The following PCP2 variants were observed in gnomAD, a reference collection of about 807,000 sequenced individuals.
The protein encoded by PCP2 is Purkinje cell protein 2, also known as Purkinje cell protein 2 homolog.
A neutral mutation model predicts 18.3 loss-of-function variants in PCP2; 21 were observed. The observed-to-expected ratio is 1.14, with a 90% confidence interval of 0.81 to 1.65. The LOEUF (loss-of-function observed/expected upper bound fraction) is 1.65, where lower values mean the gene tolerates loss of function less well. Among genes scored for constraint, PCP2 ranks in the 40% most tolerant of loss-of-function variants. The probability of loss-of-function intolerance (pLI) is 0.00; values close to 1 mark genes in which losing one functional copy is unlikely to be tolerated. For synonymous variants in PCP2, 85 were observed against 77.6 expected (o/e 1.10, Z -0.50); for missense variants, 202 against 201.8 (o/e 1.00, Z 0.00).
upstream of PCP2, among the ~76,000 whole-genome samples, chr19:7,635,094 T>C (rs1465456785): frequency 2.6e-5 from 4 of 152,204 alleles, no homozygotes; most frequent in Admixed American, 6.5e-5. Context: ...GATTAGTACT[T>C]CATATCTTTT....
intron 3 of PCP2, 126 bp from the exon 4 acceptor site, chr19:7,631,934 T>G: frequency 1.0e-6 from 1 of 981,742 alleles, no homozygotes; most frequent in Non-Finnish European, 1.4e-6. Flanking sequence ...TGGTCTATGT[T>G]TACCCTCAAT....
At chr19:7,636,845 T>G, upstream of PCP2, 7 of 341,848 alleles carry the variant, frequency 2.0e-5, no homozygotes, top group Non-Finnish European at 2.6e-5. Flanking sequence ...GATGGAGGGA[T>G]TATTGCCCTG....
upstream of PCP2, chr19:7,636,283 G>A (rs2031530543): frequency 6.6e-6 from 1 of 152,152 alleles, no homozygotes; most frequent in East Asian, 1.9e-4. Flanking sequence ...TTAAATCGGA[G>A]ACCTCATTTT....
rs2031358847 is a variant in PCP2 at position 7,632,485 on chromosome 19, T to G, written c.199A>C (p.Met67Leu). ...SDPTPEMDSLMDMLASTQGRR... is the reference protein window; with the variant it reads ...SDPTPEMDSLLDMLASTQGRR... Reference sequence around the variant, plus strand: ...CCCTGGGTACTGGCCAGCATGTCCATGAGGCTGTCCATCTCGGGGGTGGGG... The same window carrying G: ...CCCTGGGTACTGGCCAGCATGTCCAGGAGGCTGTCCATCTCGGGGGTGGGG... Residue 67 changes from methionine (M) to leucine (L), a missense_variant, in exon 3 of 4, where the codon ATG becomes CTG. Transcript: ENST00000311069. This position sits in a 1 kb window ranked among gnomAD's most constrained non-coding sequence, Gnocchi z 5.2. 8 of 1,613,754 alleles carry G rather than the reference T, an allele frequency of 5.0e-6. No homozygotes were observed. In the East Asian group the frequency reaches 1.6e-4, roughly 31 times the overall value.
At chr19:7,633,333 C>T in intron 1 of PCP2, 74 bp downstream of exon 1, 2 of 1,299,432 alleles carry the variant, frequency 1.5e-6, no homozygotes, top group South Asian at 1.3e-5. Flanking sequence ...ATTAGGTGCC[C>T]TACAAACTAG....
Position 7,631,794 on chromosome 19 carries a change from T to C in PCP2, c.306A>G (p.Lys102=), listed in dbSNP as rs374449716. Residue 102 remains lysine, a synonymous_variant, in exon 4 of 4, where the codon AAA becomes AAG. Coordinates refer to ENST00000311069, the MANE Select transcript of PCP2 (RefSeq NM_174895.3). ...QPVGSKDGAQ[K]RAGTLSPQPL... is the part of the protein sequence containing the mutation. ...GTTGGGGACTGAGGGTCCCAGCTCG[T>C]TTCTGTGCTCCGTCCTGTGGATGAA... 1.5e-5 allele frequency: 22 copies of C among 1,421,612 alleles called. No individual in the cohort carries two copies. The highest frequency in any genetic ancestry group is 1.8e-5 in the Non-Finnish European group (19 of 1,083,688). The allele number at this position is 1,421,612 out of a possible 1,614,324, so 88.1% of individuals were successfully genotyped here. A position where few individuals can be genotyped will look rare whatever the true frequency, so the allele number is the denominator to read the frequency against.
upstream of PCP2, among the ~76,000 whole-genome samples, chr19:7,635,151 C>T (rs537751332): frequency 6.6e-6 from 1 of 152,202 alleles, no homozygotes; most frequent in Non-Finnish European, 1.5e-5. Flanking sequence ...TCTGTCCCCC[C>T]AAGGGGTCAG....
chr19:7,633,215 G>A (rs913532318), intron 1 of PCP2, among the ~76,000 whole-genome samples, 192 bp downstream of exon 1: 1 of 152,200 alleles, frequency 6.6e-6, no homozygotes, highest in Non-Finnish European at 1.5e-5. Context: ...GGGTCCACAC[G>A]GAGAGCCCTG....
upstream of PCP2, chr19:7,636,590 C>T (rs1454980734): frequency 6.6e-6 from 1 of 152,278 alleles, no homozygotes; most frequent in Non-Finnish European, 1.5e-5. Flanking sequence ...CTCGTCGGCA[C>T]CGCAGTCCAG....
chr19:7,632,535 G>T lies in PCP2; in HGVS notation c.167-18C>A. 6.2e-7 allele frequency: 1 copy of T among 1,611,448 alleles called. No individual in the cohort carries two copies. ...GTCGCTCTCTGCGTGGACGTTCACA[G>T]ACTTGGGAGGACACAGCCGGAGTGG... On this transcript the variant is annotated intron_variant, in intron 2 of 3. Coordinates refer to ENST00000311069, the MANE Select transcript of PCP2 (RefSeq NM_174895.3). This position sits in a 1 kb window ranked among gnomAD's most constrained non-coding sequence, Gnocchi z 5.2.
At position 7,633,487 on chromosome 19, in the gene PCP2, G is replaced by A; in HGVS notation, c.-30C>T. 6.4e-7 allele frequency: 1 copy of A among 1,561,544 alleles called. No individual in the cohort carries two copies. Among genetic ancestry groups the A allele is most frequent in the Non-Finnish European group, 8.7e-7 (1 of 1,151,494 alleles). ...CTGGACTCCAGTCACTTTTCTGCTG[G>A]CCTCTGCCCCGGCCCAGTGCCAGAG... On this transcript the variant is annotated 5_prime_UTR_variant, in exon 1 of 4. Transcript: ENST00000311069.
chr19:7,633,086 C>A, intron 1 of PCP2: 1 of 1,222,000 alleles, frequency 8.2e-7, no homozygotes, highest in Non-Finnish European at 1.1e-6. Context: ...GGACAGGCTC[C>A]GATGCGTGTC....
At chr19:7,634,318 G>A (rs181357038), upstream of PCP2, among the ~76,000 whole-genome samples, 587 of 152,178 alleles carry the variant, frequency 3.9e-3, 1 homozygote, top group Middle Eastern at 6.8e-3. Context: ...TCCCCAAGAC[G>A]CCTTTACGGA....
Position 7,632,997 on chromosome 19 carries a change from C to CA in PCP2, c.52-168dup, listed in dbSNP as rs1421209818. The CA allele has an allele frequency of 2.1e-6, 3 of 1,423,924 alleles. No homozygotes were observed. In the Admixed American group the frequency reaches 8.7e-5, roughly 41 times the overall value. 88.2% of individuals were successfully genotyped at this position (1,423,924 alleles called of 1,614,324 possible). ...CTCTGCAGAGCTGTTCTGAATGAGA[C>CA]ATGAGTCTCCTTCCCAATCCCGGCC... On this transcript the variant is annotated intron_variant, in intron 1 of 3. Coordinates refer to ENST00000311069, the MANE Select transcript of PCP2 (RefSeq NM_174895.3). The surrounding 1 kb of genome is among the most constrained non-coding windows in gnomAD (Gnocchi z 5.2).
In PCP2 at chr19:7,632,458, G is replaced by A. The variant is rs754749924; in HGVS notation, c.226C>T (p.Arg76Cys). Residue 76 changes from arginine to cysteine, a missense_variant, in exon 3 of 4, where the codon CGC becomes TGC. Transcript: ENST00000311069. This position sits in a 1 kb window ranked among gnomAD's most constrained non-coding sequence, Gnocchi z 5.2. Reference protein sequence around the residue: ...LMDMLASTQGRRMDDQRVTVS... With the variant: ...LMDMLASTQGCRMDDQRVTVS... ...GTCACACGTTGGTCATCCATGCGGC[G>A]GCCCTGGGTACTGGCCAGCATGTCC... 2.4e-5 allele frequency: 38 copies of A among 1,613,778 alleles called. No homozygotes were observed. The highest frequency in any genetic ancestry group is 2.1e-4 in the African/African-American group (16 of 74,892).
chr19:7,633,736 C>G (rs953712181), upstream of PCP2: 6 of 499,142 alleles, frequency 1.2e-5, no homozygotes, highest in African/African-American at 9.9e-5. Flanking sequence ...CAGGGACTCT[C>G]AGGTGTGATG....
Position 7,631,811 on chromosome 19 carries a change from G to T in PCP2, c.292-3C>A. Reference sequence around the variant, plus strand: ...CCAGCTCGTTTCTGTGCTCCGTCCTGTGGATGAAGAGGGGTCAGCCAGGGG... The same window carrying T: ...CCAGCTCGTTTCTGTGCTCCGTCCTTTGGATGAAGAGGGGTCAGCCAGGGG... On this transcript the variant is annotated splice_region_variant and splice_polypyrimidine_tract_variant and intron_variant, in intron 3 of 3. Coordinates refer to ENST00000311069, the MANE Select transcript of PCP2 (RefSeq NM_174895.3). The T allele has an allele frequency of 7.1e-7, 1 of 1,399,588 alleles. No individual in the cohort carries two copies. The highest frequency in any genetic ancestry group is 9.3e-7 in the Non-Finnish European group (1 of 1,071,472). 86.7% of individuals were successfully genotyped at this position (1,399,588 alleles called of 1,614,324 possible).
At chr19:7,633,059 C>T (rs1482176017) in intron 1 of PCP2, 9 of 1,366,394 alleles carry the variant, frequency 6.6e-6, no homozygotes, top group South Asian at 3.0e-5. Flanking sequence ...TGCCACTTCA[C>T]GTGGTACCGC....
chr19:7,634,669 C>CT (rs199913226), upstream of PCP2, among the ~76,000 whole-genome samples: 55 of 151,932 alleles, frequency 3.6e-4, no homozygotes, highest in Non-Finnish European at 6.5e-4. Flanking sequence ...CATGCTGAGC[C>CT]TTTAAAATTT....
Sources: gnomAD v4.1 joint callset for allele counts (sites outside exome capture counted in the v4.1 genomes callset) on GRCh38, gnomAD v4.1.1 for gene constraint, Gnocchi (gnomAD v3.1) non-coding constraint, MANE v1.5 for transcripts, NCBI Gene and HGNC (gene_info 2026-07-23, HGNC 2026-07-21) for gene names.